Variants in RYR1 observed in about 807,000 individuals in gnomAD.
The protein encoded by RYR1 is ryanodine receptor 1.
A neutral mutation model predicts 583.5 loss-of-function variants in RYR1; 342 were observed. The ratio of observed to expected loss-of-function variants is 0.59; its 90% CI spans 0.54 to 0.64. The LOEUF (loss-of-function observed/expected upper bound fraction) is 0.64, where lower values mean the gene tolerates loss of function less well. RYR1 is among the 30% of genes least tolerant of loss of function. The pLI, the probability that RYR1 is intolerant of heterozygous loss-of-function variation, is 0.00. For missense variants in RYR1, 6,032 were observed against 6,917.2 expected, an observed-to-expected ratio of 0.87 and a Z score of 4.54; for synonymous variants, 2,791 against 2,822.5, an observed-to-expected ratio of 0.99 and a Z score of 0.35.
intron 76 of RYR1, among the ~76,000 whole-genome samples, chr19:38,531,200 A>C (rs754517033): frequency 6.6e-6 from 1 of 151,862 alleles, no homozygotes. Context: ...ATTCTGACAT[A>C]AGGCCATCTC....
In RYR1 at chr19:38,565,126, C is replaced by T. The variant is rs2145843696; in HGVS notation, c.12792C>T (p.Gly4264=). 6.5e-7 allele frequency: 1 copy of T among 1,533,320 alleles called. No individual in the cohort carries two copies. The highest frequency in any genetic ancestry group is 1.4e-5 in the African/African-American group (1 of 72,884). 95.0% of individuals were successfully genotyped at this position (1,533,320 alleles called of 1,614,324 possible). A position where few individuals can be genotyped will look rare whatever the true frequency, so the allele number is the denominator to read the frequency against. Residue 4264 remains glycine, a synonymous_variant, in exon 91 of 106, where the codon GGC becomes GGT. Coordinates refer to ENST00000359596, the MANE Select transcript of RYR1 (RefSeq NM_000540.3). The surrounding 1 kb of genome is among the most constrained non-coding windows in gnomAD (Gnocchi z 4.7). The part of the protein sequence containing the change: ...EGEPETDEDE[G]AGAAEAGAEG... ...AGCCGGAGACCGACGAGGACGAGGG[C>T]GCGGGCGCGGCGGAGGCGGGCGCGG...
rs1208429791 is a variant in RYR1 at position 38,488,277 on chromosome 19, T to C, written c.5548-900T>C. ...TCACCTACCTATACATCATTTATCCTTCTCTCATCCATCCACCCATCATCT... is the reference window on the plus strand; with the variant it reads ...TCACCTACCTATACATCATTTATCCCTCTCTCATCCATCCACCCATCATCT... On this transcript the variant is annotated intron_variant, in intron 34 of 105. Transcript: ENST00000359596. Among the ~76,000 whole-genome samples the C allele has an allele frequency of 4.1e-4, 62 of 152,096 alleles. 1 individual carries two copies. The highest frequency in any genetic ancestry group is 4.1e-3 in the Admixed American group (62 of 15,246).
intron 89 of RYR1, among the ~76,000 whole-genome samples, chr19:38,554,308 C>T (rs1277066494): frequency 8.7e-3 from 6 of 692 alleles, no homozygotes; most frequent in East Asian, 0.045. Context: ...GAAAAAATAG[C>T]GGGCATGGTG....
intron 69 of RYR1, 32 bp from the exon 70 acceptor site, chr19:38,523,883 T>G: frequency 6.2e-7 from 1 of 1,613,968 alleles, no homozygotes; most frequent in East Asian, 2.2e-5. Flanking sequence ...GGGGTAACCC[T>G]TCTTGTCTCT....
chr19:38,532,443 G>A (rs1971779206), intron 76 of RYR1, 47 bp from the exon 77 acceptor site: 1 of 1,600,116 alleles, frequency 6.2e-7, no homozygotes, highest in African/African-American at 1.3e-5. Flanking sequence ...TATAAGATGG[G>A]GGTCCTCTCC....
At chr19:38,579,646 C>A (rs1974111796) in intron 99 of RYR1, among the ~76,000 whole-genome samples, 1 of 151,818 alleles carries the variant, frequency 6.6e-6, no homozygotes, top group South Asian at 2.1e-4. Context: ...GCTATGTTGC[C>A]CAGACTGGTC....
intron 7 of RYR1, among the ~76,000 whole-genome samples, chr19:38,445,457 C>T (rs1600646516): frequency 1.3e-5 from 2 of 151,978 alleles, no homozygotes; most frequent in Admixed American, 1.3e-4. Context: ...CAGGCATGGC[C>T]CAATACTTTG....
At chr19:38,503,065 C>A in intron 49 of RYR1, 95 bp downstream of exon 49, 1 of 1,230,226 alleles carries the variant, frequency 8.1e-7, no homozygotes, top group Non-Finnish European at 1.2e-6. Context: ...TCGGCACTGC[C>A]CAGCCCAATA....
intron 47 of RYR1, 128 bp downstream of exon 47, chr19:38,501,118 C>A: frequency 7.0e-6 from 6 of 860,398 alleles, no homozygotes; most frequent in South Asian, 1.5e-5. Context: ...ATCCCCAATA[C>A]CATCATCAAG....
At chr19:38,576,929 A>C (rs964069966) in intron 97 of RYR1, among the ~76,000 whole-genome samples, 4 of 151,960 alleles carry the variant, frequency 2.6e-5, no homozygotes, top group Non-Finnish European at 5.9e-5. Flanking sequence ...TCTGTTACCC[A>C]GTCTGGAGTG....
intron 25 of RYR1, 101 bp from the exon 26 acceptor site, chr19:38,468,865 T>G: frequency 7.8e-7 from 1 of 1,280,090 alleles, no homozygotes; most frequent in Non-Finnish European, 1.1e-6. Flanking sequence ...AACCTGACAC[T>G]TCGAATGTCT....
chr19:38,502,499 C>T lies in RYR1; in HGVS notation c.7615-8C>T, dbSNP rs769486294. 12 of 1,603,240 alleles carry T rather than the reference C, an allele frequency of 7.5e-6. No individual in the cohort carries two copies. The highest frequency in any genetic ancestry group is 3.4e-4 in the Middle Eastern group (2 of 5,874). ...CAGCGGGCCTGATGTCCTCACCCTG[C>T]GCCCTAGGCCACTTTCAGCACCACC... On this transcript the variant is annotated splice_polypyrimidine_tract_variant and splice_region_variant and intron_variant, in intron 47 of 105. Transcript: ENST00000359596.
chr19:38,496,068 T>C lies in RYR1; in HGVS notation c.6549-147T>C. ...ATGAGCCACCGCACCCGGCCAGCTG[T>C]AGGAATTGAGTGAGTTCAGATCTGT... On this transcript the variant is annotated intron_variant, in intron 39 of 105. Coordinates refer to ENST00000359596, the MANE Select transcript of RYR1 (RefSeq NM_000540.3). This position sits in a 1 kb window ranked among gnomAD's most constrained non-coding sequence, Gnocchi z 4.8. 1 of 738,262 alleles carries C rather than the reference T, an allele frequency of 1.4e-6. No homozygotes were observed. The highest frequency in any genetic ancestry group is 2.4e-6 in the Non-Finnish European group (1 of 420,554). 45.7% of individuals were successfully genotyped at this position (738,262 alleles called of 1,614,324 possible).
chr19:38,557,775 G>C (rs1972943097), intron 89 of RYR1, among the ~76,000 whole-genome samples: 2 of 151,976 alleles, frequency 1.3e-5, no homozygotes, highest in Admixed American at 1.3e-4. Flanking sequence ...TTGCACTCCA[G>C]CCTGGGTGAC....
At position 38,585,032 on chromosome 19, in the gene RYR1, C is replaced by G. The variant is rs1423216034; in HGVS notation, c.14736C>G (p.Leu4912=). ...ACCCCGCGGGTGACGAATACGAGCT[C>G]TACAGGGTGGTCTTCGACATCACCT... ...IEDPAGDEYE[L]YRVVFDITFF... Residue 4912 remains leucine, a synonymous_variant, in exon 102 of 106, where the codon CTC becomes CTG. Transcript: ENST00000359596. The G allele has an allele frequency of 5.0e-6, 8 of 1,614,088 alleles. No individual in the cohort carries two copies. Among genetic ancestry groups the G allele is most frequent in the Non-Finnish European group, 6.8e-6 (8 of 1,180,018 alleles).
rs773525553 is a variant in RYR1, at chr19:38,579,955, C to T, written c.14365-27C>T. 1.4e-5 allele frequency: 23 copies of T among 1,614,044 alleles called. No homozygotes were observed. The South Asian group carries it at 2.5e-4, about 18-fold the overall frequency. On this transcript the variant is annotated intron_variant, in intron 99 of 105. Coordinates refer to ENST00000359596, the MANE Select transcript of RYR1 (RefSeq NM_000540.3). ...CTCCTCGTGTGTCCCTGCCTTCCCCCTGACCCCTGGCCCTGTGTGCCCACA... is the reference window on the plus strand; with the variant it reads ...CTCCTCGTGTGTCCCTGCCTTCCCCTTGACCCCTGGCCCTGTGTGCCCACA...
chr19:38,546,620 C>T (rs1972435079), intron 88 of RYR1, 94 bp downstream of exon 88: 1 of 956,674 alleles, frequency 1.0e-6, no homozygotes, highest in Non-Finnish European at 1.7e-6. Context: ...TAATCCTCAA[C>T]CCCATCTGAC....
Position 38,496,139 on chromosome 19 carries a change from A to G in RYR1, c.6549-76A>G, listed in dbSNP as rs1000163680. The G allele has an allele frequency of 1.4e-4, 170 of 1,185,504 alleles. No individual in the cohort carries two copies. The highest frequency in any genetic ancestry group is 2.0e-4 in the Non-Finnish European group (157 of 798,494). The allele number at this position is 1,185,504 out of a possible 1,614,324, so 73.4% of individuals were successfully genotyped here. A position where few individuals can be genotyped will look rare whatever the true frequency, so the allele number is the denominator to read the frequency against. On this transcript the variant is annotated intron_variant, in intron 39 of 105. Transcript: ENST00000359596. This position sits in a 1 kb window ranked among gnomAD's most constrained non-coding sequence, Gnocchi z 4.8. ...CAGAGTGAGAGGGTCAAGAATGCCA[A>G]CGCTGTCACAGTGGTGGCTATGGCC... is the stretch of plus-strand genomic sequence containing the variant.
intron 67 of RYR1, among the ~76,000 whole-genome samples, chr19:38,520,610 G>A (rs1184268794): frequency 1.4e-5 from 2 of 148,106 alleles, no homozygotes; most frequent in Non-Finnish European, 1.5e-5. Flanking sequence ...CAGGAGAATC[G>A]CCTGAGCCTG....
Sources: gnomAD v4.1 joint callset for allele counts (sites outside exome capture counted in the v4.1 genomes callset) on GRCh38, gnomAD v4.1.1 for gene constraint, Gnocchi (gnomAD v3.1) non-coding constraint, MANE v1.5 for transcripts, NCBI Gene and HGNC (gene_info 2026-07-23, HGNC 2026-07-21) for gene names.